NCKAP5: variants seen among roughly 807,000 people sequenced by gnomAD.
The protein encoded by NCKAP5 is nck-associated protein 5.
NCKAP5 carries 92 observed loss-of-function variants against 167.0 expected under a neutral mutation model. The observed-to-expected ratio is 0.55, with a 90% CI of 0.47 to 0.66. The LOEUF is 0.66. NCKAP5 is among the 30% of genes least tolerant of loss of function. The pLI, the probability that NCKAP5 is intolerant of heterozygous loss-of-function variation, is 0.00. For missense variants in NCKAP5, 2,378 were observed against 2,315.0 expected (o/e 1.03, Z -0.56); for synonymous variants, 891 against 877.4 (o/e 1.02, Z -0.27).
chr2:133,027,993 G>T (rs181474410), intron 6 of NCKAP5, among the ~76,000 whole-genome samples: 2 of 152,036 alleles, frequency 1.3e-5, no homozygotes, highest in African/African-American at 4.8e-5. Flanking sequence ...AATCCAAAAC[G>T]TTTTGAGCAT....
chr2:133,085,568 A>G lies in NCKAP5; in HGVS notation c.341+44410T>C, dbSNP rs78283406. ...CTGTTAGAGTTTGAGGTAGCATAAA[A>G]AAAAGCTGCCAGTTCCTTTTGGTCT... On this transcript the variant is annotated intron_variant, in intron 6 of 19. Coordinates refer to ENST00000409261, the MANE Select transcript of NCKAP5 (RefSeq NM_207363.3). Among the ~76,000 whole-genome samples the G allele has an allele frequency of 1.7e-3, 261 of 152,296 alleles. 1 individual carries two copies. The highest frequency in any genetic ancestry group is 6.8e-3 in the Middle Eastern group (2 of 294).
intron 7 of NCKAP5, among the ~76,000 whole-genome samples, chr2:132,979,689 G>GC (rs2077075345): frequency 1.3e-5 from 2 of 152,258 alleles, no homozygotes; most frequent in South Asian, 4.1e-4. Flanking sequence ...CTGCTTTCTT[G>GC]CATCACAGTG....
the NCKAP5 span, among the ~76,000 whole-genome samples, chr2:133,621,968 G>T: frequency 6.6e-6 from 1 of 152,030 alleles, no homozygotes; most frequent in African/African-American, 2.4e-5. Flanking sequence ...AGGGATGCAG[G>T]GGTGGTTTAA....
At chr2:132,802,096 C>T (rs1685086110) in intron 11 of NCKAP5, among the ~76,000 whole-genome samples, 2 of 152,142 alleles carry the variant, frequency 1.3e-5, no homozygotes, top group South Asian at 2.1e-4. Flanking sequence ...TATTAAAAGC[C>T]AAATATCGGC....
intron 8 of NCKAP5, among the ~76,000 whole-genome samples, chr2:132,934,365 G>A (rs1203798319): frequency 6.6e-6 from 1 of 152,172 alleles, no homozygotes; most frequent in Non-Finnish European, 1.5e-5. Flanking sequence ...TTGAGGTCAG[G>A]AGTTTGAGAC....
intron 16 of NCKAP5, among the ~76,000 whole-genome samples, chr2:132,746,761 C>T (rs1310166781): frequency 6.6e-6 from 1 of 152,030 alleles, no homozygotes; most frequent in African/African-American, 2.4e-5. Context: ...TACATTCATA[C>T]AACAAAATAC....
chr2:132,673,145 T>A lies in NCKAP5; in HGVS notation c.*144A>T. ...ACTACTCAAAGATGTCTCTTCATTTTTTTCTTTTTCTTCCTTCTGTCCTTC... is the reference window on the plus strand; with the variant it reads ...ACTACTCAAAGATGTCTCTTCATTTATTTCTTTTTCTTCCTTCTGTCCTTC... On this transcript the variant is annotated 3_prime_UTR_variant, in exon 20 of 20. Transcript: ENST00000409261. The A allele has an allele frequency of 7.4e-7, 1 of 1,357,538 alleles. No homozygotes were observed. Among genetic ancestry groups the A allele is most frequent in the Admixed American group, 3.6e-5 (1 of 27,676 alleles). 84.1% of individuals were successfully genotyped at this position (1,357,538 alleles called of 1,614,324 possible).
At chr2:133,110,213 C>G (rs2081862049) in intron 6 of NCKAP5, among the ~76,000 whole-genome samples, 1 of 152,150 alleles carries the variant, frequency 6.6e-6, no homozygotes. Context: ...AACTTGCATC[C>G]AATAGCAAAG....
At chr2:133,630,173 T>C in the NCKAP5 span, among the ~76,000 whole-genome samples, 2 of 151,780 alleles carry the variant, frequency 1.3e-5, no homozygotes, top group East Asian at 3.9e-4. Flanking sequence ...AAAAAGAAAA[T>C]ATTTTGCTAA....
At chr2:133,064,429 T>C (rs2080118933) in intron 6 of NCKAP5, among the ~76,000 whole-genome samples, 1 of 151,948 alleles carries the variant, frequency 6.6e-6, no homozygotes, top group Non-Finnish European at 1.5e-5. Flanking sequence ...CCAGAAAGAA[T>C]GCTGAACTGA....
chr2:132,740,876 C>A (rs1679124785), intron 16 of NCKAP5, among the ~76,000 whole-genome samples: 1 of 151,764 alleles, frequency 6.6e-6, no homozygotes, highest in Non-Finnish European at 1.5e-5. Flanking sequence ...AAAAATGGAC[C>A]ATGAAATTCC....
At chr2:133,474,269 A>T (rs2151293716) in intron 3 of NCKAP5, among the ~76,000 whole-genome samples, 1 of 152,272 alleles carries the variant, frequency 6.6e-6, no homozygotes, top group South Asian at 2.1e-4. Context: ...GACCTGGAGA[A>T]CATTATACTA....
the NCKAP5 span, among the ~76,000 whole-genome samples, chr2:133,588,227 G>A: frequency 6.6e-6 from 1 of 151,694 alleles, no homozygotes; most frequent in African/African-American, 2.4e-5. Flanking sequence ...GATGTGCTTG[G>A]ATTCTGGCTT....
intron 2 of NCKAP5, among the ~76,000 whole-genome samples, chr2:133,540,096 G>T (rs1330725678): frequency 1.3e-5 from 2 of 152,100 alleles, no homozygotes; most frequent in African/African-American, 2.4e-5. Context: ...TAGGGGAATT[G>T]CTTGAACCCG....
intron 4 of NCKAP5, among the ~76,000 whole-genome samples, chr2:133,282,001 G>A (rs1410891268): frequency 1.3e-5 from 2 of 152,166 alleles, no homozygotes; most frequent in African/African-American, 2.4e-5. Flanking sequence ...CCTCAGAGGA[G>A]CAGGAGTTGC....
At chr2:132,737,911 T>C (rs1447945225) in intron 16 of NCKAP5, among the ~76,000 whole-genome samples, 1 of 152,208 alleles carries the variant, frequency 6.6e-6, no homozygotes, top group Non-Finnish European at 1.5e-5. Flanking sequence ...TACAGAATGG[T>C]AATTATACTT....
intron 3 of NCKAP5, among the ~76,000 whole-genome samples, chr2:133,315,555 C>T (rs151043628): frequency 8.6e-5 from 13 of 150,480 alleles, no homozygotes; most frequent in Middle Eastern, 3.4e-3. Context: ...AACATGGAGC[C>T]GTGACATCGA....
At chr2:132,767,069 C>T (rs73957676) in intron 16 of NCKAP5, among the ~76,000 whole-genome samples, 6 of 152,056 alleles carry the variant, frequency 3.9e-5, no homozygotes, top group African/African-American at 1.4e-4. Context: ...TTAATGCAGG[C>T]TACTTTTCAA....
At chr2:132,827,728 A>T (rs943601286) in intron 11 of NCKAP5, among the ~76,000 whole-genome samples, 1 of 152,156 alleles carries the variant, frequency 6.6e-6, no homozygotes, top group African/African-American at 2.4e-5. Flanking sequence ...TTGTGATCAC[A>T]CTAAAAAGTT....
Sources: allele counts gnomAD v4.1 joint callset (sites outside exome capture counted in the v4.1 genomes callset), GRCh38; gene constraint gnomAD v4.1.1; transcripts MANE v1.5; gene names NCBI Gene and HGNC (gene_info 2026-07-23, HGNC 2026-07-21).